The following GALNT13 variants were observed in gnomAD, a reference collection of about 807,000 sequenced individuals.
GALNT13 encodes the protein UDP-GalNAc:polypeptide N-acetylgalactosaminyltransferase 13.
A neutral mutation model predicts 64.2 loss-of-function variants in GALNT13; 28 were observed. The ratio of observed to expected loss-of-function variants is 0.44; its 90% CI spans 0.32 to 0.60. The LOEUF is 0.60. Ranked by LOEUF, GALNT13 falls within the 20% of genes least tolerant of loss-of-function variation. The pLI, the probability that GALNT13 is intolerant of heterozygous loss-of-function variation, is 0.05. For missense variants in GALNT13, 577 were observed against 669.8 expected, an observed-to-expected ratio of 0.86 and a Z score of 1.53; for synonymous variants, 214 against 224.6, an observed-to-expected ratio of 0.95 and a Z score of 0.42.
the GALNT13 span, among the ~76,000 whole-genome samples, chr2:153,089,057 G>A: frequency 1.3e-5 from 2 of 152,076 alleles, no homozygotes; most frequent in East Asian, 1.9e-4. Flanking sequence ...TTGTGTTATT[G>A]TTTTATAGGT....
At chr2:154,079,122 T>C (rs1160512436) in intron 3 of GALNT13, among the ~76,000 whole-genome samples, 1 of 151,666 alleles carries the variant, frequency 6.6e-6, no homozygotes, top group Non-Finnish European at 1.5e-5. Context: ...GCAGCTCTAC[T>C]GGTATATGGA....
At chr2:153,374,109 A>T in the GALNT13 span, among the ~76,000 whole-genome samples, 1 of 151,994 alleles carries the variant, frequency 6.6e-6, no homozygotes, top group Non-Finnish European at 1.5e-5. Flanking sequence ...TGTGCTGTCA[A>T]CTCTTTTGGA....
At chr2:154,133,582 A>ATATC in intron 3 of GALNT13, among the ~76,000 whole-genome samples, 1 of 112,114 alleles carries the variant, frequency 8.9e-6, no homozygotes, top group Non-Finnish European at 1.8e-5. Context: ...ATATATATAT[A>ATATC]TATCTGAGAT....
At chr2:153,529,749 CAT>C in the GALNT13 span, among the ~76,000 whole-genome samples, 81 of 152,172 alleles carry the variant, frequency 5.3e-4, 1 homozygote, top group East Asian at 0.013. Flanking sequence ...AATAGTTCAA[CAT>C]ATGCAAATCA....
At chr2:153,194,432 G>T in the GALNT13 span, among the ~76,000 whole-genome samples, 1 of 152,002 alleles carries the variant, frequency 6.6e-6, no homozygotes, top group Non-Finnish European at 1.5e-5. Flanking sequence ...TCAGTTCCAG[G>T]ATTTCTGTTT....
chr2:154,065,683 T>C (rs1382452344), intron 3 of GALNT13, among the ~76,000 whole-genome samples: 1 of 152,198 alleles, frequency 6.6e-6, no homozygotes, highest in Non-Finnish European at 1.5e-5. Flanking sequence ...AATGCAGATA[T>C]GGCTGCAGTG....
chr2:153,240,310 A>G, the GALNT13 span, among the ~76,000 whole-genome samples: 6 of 152,056 alleles, frequency 3.9e-5, no homozygotes, highest in Admixed American at 3.9e-4. Flanking sequence ...AGTCTCTCAC[A>G]TGGCTGGCTC....
At chr2:153,679,406 A>G in the GALNT13 span, among the ~76,000 whole-genome samples, 2 of 152,002 alleles carry the variant, frequency 1.3e-5, no homozygotes, top group African/African-American at 4.8e-5. Flanking sequence ...CTCTGTCTAT[A>G]TAATTCACCC....
At chr2:154,069,804 A>T (rs572855764) in intron 3 of GALNT13, among the ~76,000 whole-genome samples, 294 of 152,212 alleles carry the variant, frequency 1.9e-3, no homozygotes, top group African/African-American at 6.3e-3. Context: ...ATAGTAATTT[A>T]TTCTTTCCAT....
At chr2:153,884,879 ACACAC>A (rs1486217934) in intron 1 of GALNT13, among the ~76,000 whole-genome samples, 1 of 143,820 alleles carries the variant, frequency 7.0e-6, no homozygotes, top group Non-Finnish European at 1.5e-5. Flanking sequence ...ACACACACAC[ACACAC>A]ATTTTTTAGC....
intron 2 of GALNT13, among the ~76,000 whole-genome samples, chr2:153,924,341 G>C (rs879905212): frequency 6.6e-6 from 1 of 151,640 alleles, no homozygotes; most frequent in Non-Finnish European, 1.5e-5. Context: ...TTAGTTTGCT[G>C]AGGATAGTGG....
chr2:154,394,581 T>C (rs1207534890), intron 9 of GALNT13, among the ~76,000 whole-genome samples: 1 of 152,190 alleles, frequency 6.6e-6, no homozygotes, highest in African/African-American at 2.4e-5. Context: ...TTATATGATT[T>C]TGAGGAAAAT....
At chr2:153,438,913 C>T in the GALNT13 span, among the ~76,000 whole-genome samples, 1 of 152,044 alleles carries the variant, frequency 6.6e-6, no homozygotes, top group Non-Finnish European at 1.5e-5. Context: ...TTTGAGTTTC[C>T]AGTTTTTCTG....
chr2:153,368,698 T>C, the GALNT13 span, among the ~76,000 whole-genome samples: 3 of 151,190 alleles, frequency 2.0e-5, no homozygotes, highest in Non-Finnish European at 4.4e-5. Context: ...AGCTGAGAGG[T>C]GAAATAAACA....
intron 8 of GALNT13, among the ~76,000 whole-genome samples, chr2:154,295,978 C>G (rs1376776760): frequency 6.6e-6 from 1 of 152,172 alleles, no homozygotes; most frequent in Non-Finnish European, 1.5e-5. Flanking sequence ...AAACTGTGCT[C>G]AGCTTCAGCC....
chr2:153,497,539 T>A, the GALNT13 span, among the ~76,000 whole-genome samples: 226 of 124,874 alleles, frequency 1.8e-3, 1 homozygote, highest in South Asian at 1.8e-3. Flanking sequence ...TTTTTTTTTT[T>A]TTTTTTTTTT....
chr2:154,210,164 T>C (rs1687684552), intron 4 of GALNT13, among the ~76,000 whole-genome samples: 1 of 152,200 alleles, frequency 6.6e-6, no homozygotes, highest in Admixed American at 6.5e-5. Flanking sequence ...AATGACAGAA[T>C]TAATTTATTT....
the GALNT13 span, among the ~76,000 whole-genome samples, chr2:153,152,373 A>T: frequency 6.6e-6 from 1 of 151,956 alleles, no homozygotes; most frequent in Non-Finnish European, 1.5e-5. Context: ...TTCTTTTGGG[A>T]AATCTTAATT....
chr2:153,535,859 T>C, the GALNT13 span, among the ~76,000 whole-genome samples: 1 of 152,172 alleles, frequency 6.6e-6, no homozygotes, highest in Non-Finnish European at 1.5e-5. Context: ...GTTATCAGAC[T>C]GTATTGAGGT....
Sources: allele counts gnomAD v4.1 joint callset (sites outside exome capture counted in the v4.1 genomes callset), GRCh38; gene constraint gnomAD v4.1.1; transcripts MANE v1.5; gene names NCBI Gene and HGNC (gene_info 2026-07-23, HGNC 2026-07-21).